The following MYO19 variants were observed in gnomAD, a reference collection of about 807,000 sequenced individuals.
MYO19 encodes the protein myosin XIX.
A neutral mutation model predicts 129.2 loss-of-function variants in MYO19; 132 were observed. The ratio of observed to expected loss-of-function variants is 1.02; its 90% confidence interval spans 0.89 to 1.18. The LOEUF (loss-of-function observed/expected upper bound fraction) is 1.18. Among genes scored for constraint, MYO19 ranks in the 50% most tolerant of loss-of-function variants. MYO19 has a pLI of 0.00. For synonymous variants in MYO19, 531 were observed against 477.2 expected, an observed-to-expected ratio of 1.11 and a Z score of -1.47; for missense variants, 1,210 against 1,216.7, an observed-to-expected ratio of 0.99 and a Z score of 0.08.
chr17:36,531,099 A>T (rs781191416), intron 3 of MYO19, among the ~76,000 whole-genome samples: 51 of 152,016 alleles, frequency 3.4e-4, no homozygotes, highest in Middle Eastern at 3.4e-3. Context: ...AAAAATTATT[A>T]AAAAAAATTT....
Position 36,533,997 on chromosome 17 carries a change from C to G in MYO19, c.-188G>C, listed in dbSNP as rs1234736178. ...ATGTTATTACGATGCAGCATCAGCT[C>G]CTAGCTGGAGTCAAGTGAGATTAGA... is the stretch of plus-strand genomic sequence containing the variant. On this transcript the variant is annotated 5_prime_UTR_variant, in exon 2 of 26. Coordinates refer to ENST00000614623, the MANE Select transcript of MYO19 (RefSeq NM_001163735.2). The G allele has an allele frequency of 2.0e-5, 3 of 152,286 alleles. No individual in the cohort carries two copies. In the East Asian group the frequency reaches 5.8e-4, roughly 29 times the overall value. The allele number at this position is 152,286 out of a possible 1,614,324, so 9.4% of individuals were successfully genotyped here. A position where few individuals can be genotyped will look rare whatever the true frequency, so the allele number is the denominator to read the frequency against.
At chr17:36,504,126 C>A (rs577145155) in intron 19 of MYO19, 106 bp from the exon 20 acceptor site, 30 of 852,898 alleles carry the variant, frequency 3.5e-5, no homozygotes, top group Non-Finnish European at 4.8e-5. Context: ...TGCCAAGCTG[C>A]AGGCTCTCCC....
intron 6 of MYO19, among the ~76,000 whole-genome samples, chr17:36,523,201 A>C (rs1053833312): frequency 3.1e-4 from 43 of 137,858 alleles, no homozygotes; most frequent in African/African-American, 9.0e-4. Flanking sequence ...AAAAAAAAAA[A>C]CAAAAACAAA....
At chr17:36,534,623 G>C (rs896531587) in intron 1 of MYO19, 138 bp downstream of exon 1, 1 of 152,602 alleles carries the variant, frequency 6.6e-6, no homozygotes, top group Non-Finnish European at 1.5e-5. Context: ...AAAAGGAAAA[G>C]GCAAAAAGGA....
chr17:36,520,007 C>T (rs28399272), intron 6 of MYO19, among the ~76,000 whole-genome samples: 2 of 151,174 alleles, frequency 1.3e-5, no homozygotes, highest in Admixed American at 6.6e-5. Flanking sequence ...ACTTTTTTTC[C>T]TTTTTTTTGA....
chr17:36,508,211 T>C (rs2072057069), intron 14 of MYO19: 1 of 275,194 alleles, frequency 3.6e-6, no homozygotes, highest in African/African-American at 2.2e-5. Context: ...TGAGTCTGAA[T>C]TCTCTGGTTC....
intron 6 of MYO19, among the ~76,000 whole-genome samples, chr17:36,520,622 C>T (rs566608539): frequency 3.3e-5 from 5 of 152,282 alleles, no homozygotes; most frequent in Admixed American, 3.3e-4. Flanking sequence ...TCCTCTTCTT[C>T]CTCAGCCTAC....
intron 6 of MYO19, among the ~76,000 whole-genome samples, chr17:36,522,125 A>C (rs1273244741): frequency 6.6e-6 from 1 of 152,206 alleles, no homozygotes; most frequent in Non-Finnish European, 1.5e-5. Flanking sequence ...TATAAAACCC[A>C]GCCAAAATAT....
intron 6 of MYO19, among the ~76,000 whole-genome samples, chr17:36,524,067 T>C (rs534943721): frequency 5.4e-4 from 82 of 152,302 alleles, no homozygotes; most frequent in Non-Finnish European, 2.4e-4. Flanking sequence ...TACCTAGCTC[T>C]CTGGTTGAAT....
chr17:36,514,454 A>T lies in MYO19; in HGVS notation c.712T>A (p.Phe238Ile), dbSNP rs1247914635. 13 of 1,610,710 alleles carry T rather than the reference A, an allele frequency of 8.1e-6. No homozygotes were observed. The highest frequency in any genetic ancestry group is 1.0e-5 in the Non-Finnish European group (12 of 1,176,924). The change falls in exon 9 of 26, where the codon TTC (phenylalanine) becomes ATC (isoleucine). Residue 238 changes from phenylalanine to isoleucine, a missense_variant. By Grantham distance (21) the Phe-to-Ile change is conservative. Coordinates refer to ENST00000614623, the MANE Select transcript of MYO19 (RefSeq NM_001163735.2). ...QASSERNFHI[F>I]YQICKGASED... ...CCCCATTTGGCACAAACCTGATAGA[A>T]GATGTGGAAGTTCCTCTCACTGGAA...
intron 6 of MYO19, among the ~76,000 whole-genome samples, chr17:36,519,733 A>G (rs868411339): frequency 1.3e-5 from 2 of 151,968 alleles, no homozygotes; most frequent in South Asian, 2.1e-4. Flanking sequence ...CTTTTGCACT[A>G]AAGAATTTAT....
At chr17:36,513,386 C>T (rs987681229) in intron 11 of MYO19, 43 bp downstream of exon 11, 7 of 1,613,800 alleles carry the variant, frequency 4.3e-6, no homozygotes, top group African/African-American at 2.7e-5. Flanking sequence ...AAGGGCTGCC[C>T]GTCATCTCTG....
chr17:36,528,849 C>G (rs1376445562), intron 3 of MYO19, among the ~76,000 whole-genome samples: 2 of 152,228 alleles, frequency 1.3e-5, no homozygotes, highest in African/African-American at 4.8e-5. Flanking sequence ...CGGCCACTTG[C>G]AAGTAGCACT....
chr17:36,527,554 G>C lies in MYO19; in HGVS notation c.297C>G (p.Pro99=). ...ACAGGCAGCGGCAGAGCCTTACCTG[G>C]GGCTGAGGCGCAGCATGGTACTCTC... ...LMREYHAAPQ[P]QKLKPHVFTV... is the part of the protein sequence containing the mutation. Residue 99 remains proline (P), a synonymous_variant, in exon 5 of 26, where the codon CCC becomes CCG. Transcript: ENST00000614623. The C allele has an allele frequency of 6.2e-7, 1 of 1,613,368 alleles. No individual in the cohort carries two copies. Among genetic ancestry groups the C allele is most frequent in the Non-Finnish European group, 8.5e-7 (1 of 1,179,602 alleles).
chr17:36,519,141 G>A (rs151149047), intron 6 of MYO19, among the ~76,000 whole-genome samples: 32 of 152,246 alleles, frequency 2.1e-4, no homozygotes, highest in African/African-American at 4.3e-4. Context: ...ATCAGCCTTG[G>A]CCTCCCAAAG....
In MYO19 at chr17:36,495,636, T is replaced by C; in HGVS notation, c.*615A>G. The C allele has an allele frequency of 7.7e-7, 1 of 1,290,458 alleles. No individual in the cohort carries two copies. The highest frequency in any genetic ancestry group is 3.0e-5 in the South Asian group (1 of 33,354). The allele number at this position is 1,290,458 out of a possible 1,614,324, so 79.9% of individuals were successfully genotyped here. A position where few individuals can be genotyped will look rare whatever the true frequency, so the allele number is the denominator to read the frequency against. ...GAGAGAAAACTTGACATTCAGATGA[T>C]TGTTTTTAAATGTTTTACTTTTGGT... On this transcript the variant is annotated 3_prime_UTR_variant, in exon 26 of 26. Coordinates refer to ENST00000614623, the MANE Select transcript of MYO19 (RefSeq NM_001163735.2).
At chr17:36,544,409 G>C (rs1429794786), upstream of MYO19, among the ~76,000 whole-genome samples, 1 of 152,154 alleles carries the variant, frequency 6.6e-6, no homozygotes, top group Non-Finnish European at 1.5e-5. Context: ...CAAGGGCCAA[G>C]AGCCAGACCT....
In MYO19 at chr17:36,497,589, C is replaced by T. The variant is rs561289080; in HGVS notation, c.2757+677G>A. 3.7e-4 allele frequency: 299 copies of T among 818,890 alleles called. No homozygotes were observed. The African/African-American group carries it at 5.6e-3, about 15-fold the overall frequency. 50.7% of individuals were successfully genotyped at this position (818,890 alleles called of 1,614,324 possible). On this transcript the variant is annotated intron_variant, in intron 25 of 25. Coordinates refer to ENST00000614623, the MANE Select transcript of MYO19 (RefSeq NM_001163735.2). ...TGACCTATTATTACCCTAAACCAAACTTTTTTTTTTTTTTAGATGGACTCT... is the reference window on the plus strand; with the variant it reads ...TGACCTATTATTACCCTAAACCAAATTTTTTTTTTTTTTTAGATGGACTCT...
intron 3 of MYO19, among the ~76,000 whole-genome samples, chr17:36,530,451 CTTTTTT>C (rs11292870): frequency 1.1e-5 from 1 of 94,852 alleles, no homozygotes; most frequent in African/African-American, 3.9e-5. Flanking sequence ...CTAAAAGTGG[CTTTTTT>C]TTTTTTTTTT....
Sources: gnomAD v4.1 joint callset for allele counts (sites outside exome capture counted in the v4.1 genomes callset) on GRCh38, gnomAD v4.1.1 for gene constraint, MANE v1.5 for transcripts, NCBI Gene and HGNC (gene_info 2026-07-23, HGNC 2026-07-21) for gene names.